PFDN1: variants seen among roughly 807,000 people sequenced by gnomAD.
The protein encoded by PFDN1 is prefoldin 1.
Under a neutral mutation model 17.3 loss-of-function variants are expected in PFDN1, and 6 were observed. The ratio of observed to expected loss-of-function variants is 0.35; its 90% CI spans 0.19 to 0.69. The LOEUF (loss-of-function observed/expected upper bound fraction) is 0.69, where lower values mean the gene tolerates loss of function less well. Ranked by LOEUF, PFDN1 falls within the 30% of genes least tolerant of loss-of-function variation. PFDN1 has a pLI of 0.65. For missense variants in PFDN1, 113 were observed against 146.2 expected (o/e 0.77, Z 1.17); for synonymous variants, 58 against 50.1 (o/e 1.16, Z -0.67).
chr5:140,297,825 C>T (rs1476615811), intron 2 of PFDN1, among the ~76,000 whole-genome samples: 2 of 152,170 alleles, frequency 1.3e-5, no homozygotes, highest in Non-Finnish European at 2.9e-5. Context: ...AAAATTAAAA[C>T]TTCACTGTAG....
chr5:140,270,161 G>T (rs1765185377), intron 3 of PFDN1, among the ~76,000 whole-genome samples: 1 of 152,176 alleles, frequency 6.6e-6, no homozygotes, highest in South Asian at 2.1e-4. Context: ...TGGCAAGGAA[G>T]TATGTAATGA....
At chr5:140,248,856 T>A (rs557940015) in intron 3 of PFDN1, among the ~76,000 whole-genome samples, 1 of 152,272 alleles carries the variant, frequency 6.6e-6, no homozygotes, top group African/African-American at 2.4e-5. Flanking sequence ...ATTTTTGTTT[T>A]GTTTCTAGAA....
intron 2 of PFDN1, chr5:140,292,854 A>C (rs148752372): frequency 6.6e-6 from 1 of 152,310 alleles, no homozygotes; most frequent in East Asian, 1.9e-4. Flanking sequence ...AAAGAATGAC[A>C]AAAGGCATTA....
chr5:140,277,996 G>A (rs964637681), intron 3 of PFDN1, among the ~76,000 whole-genome samples: 4 of 151,498 alleles, frequency 2.6e-5, no homozygotes, highest in African/African-American at 9.7e-5. Context: ...ATCACTGGAG[G>A]TCAGGAGTTC....
chr5:140,273,085 T>C (rs1010752115), intron 3 of PFDN1, among the ~76,000 whole-genome samples: 1 of 151,570 alleles, frequency 6.6e-6, no homozygotes, highest in African/African-American at 2.4e-5. Flanking sequence ...TCTCTACTAA[T>C]GATACAAAAA....
At chr5:140,301,080 T>C (rs1232263339) in intron 1 of PFDN1, among the ~76,000 whole-genome samples, 1 of 152,186 alleles carries the variant, frequency 6.6e-6, no homozygotes, top group East Asian at 1.9e-4. Context: ...GGCAGTCTCA[T>C]CATCCACAAT....
At chr5:140,269,323 T>C in intron 3 of PFDN1, among the ~76,000 whole-genome samples, 1 of 151,824 alleles carries the variant, frequency 6.6e-6, no homozygotes, top group Middle Eastern at 3.2e-3. Flanking sequence ...TTATAACTTT[T>C]TTTTTTTTTT....
At chr5:140,276,393 G>C (rs566250100) in intron 3 of PFDN1, among the ~76,000 whole-genome samples, 3 of 152,298 alleles carry the variant, frequency 2.0e-5, no homozygotes, top group Admixed American at 2.0e-4. Context: ...AGGATTAGTA[G>C]ATGGAATTGA....
intron 3 of PFDN1, among the ~76,000 whole-genome samples, chr5:140,279,447 C>T (rs1040169451): frequency 1.3e-5 from 2 of 151,430 alleles, no homozygotes; most frequent in South Asian, 2.1e-4. Flanking sequence ...CTCAGCAGTA[C>T]GGTATTGATA....
At chr5:140,266,019 C>A (rs1229800555) in intron 3 of PFDN1, among the ~76,000 whole-genome samples, 3 of 152,202 alleles carry the variant, frequency 2.0e-5, no homozygotes, top group Non-Finnish European at 4.4e-5. Flanking sequence ...CTCCTCTGCC[C>A]TAGCCCCACC....
chr5:140,290,580 T>A (rs905408295), intron 2 of PFDN1, among the ~76,000 whole-genome samples: 6 of 152,180 alleles, frequency 3.9e-5, no homozygotes, highest in African/African-American at 1.4e-4. Flanking sequence ...ATATATTGCA[T>A]CTATATAAAG....
intron 3 of PFDN1, among the ~76,000 whole-genome samples, chr5:140,278,557 CAAAAAAA>C (rs113129230): frequency 1.3e-3 from 102 of 79,008 alleles, no homozygotes; most frequent in Non-Finnish European, 2.0e-3. Flanking sequence ...GACTCTGTCT[CAAAAAAA>C]AAAAAAAAAA....
intron 3 of PFDN1, among the ~76,000 whole-genome samples, chr5:140,250,805 G>A (rs576053478): frequency 1.6e-4 from 24 of 152,190 alleles, no homozygotes; most frequent in Non-Finnish European, 2.6e-4. Flanking sequence ...TTCAGCTTTC[G>A]GCATTGCCCT....
intron 2 of PFDN1, among the ~76,000 whole-genome samples, chr5:140,283,469 G>A (rs568332124): frequency 3.7e-4 from 56 of 152,070 alleles, no homozygotes; most frequent in African/African-American, 1.3e-3. Flanking sequence ...TCCTGACCTC[G>A]TGATCTGCCC....
At chr5:140,268,959 G>A (rs2126684941) in intron 3 of PFDN1, among the ~76,000 whole-genome samples, 1 of 152,276 alleles carries the variant, frequency 6.6e-6, no homozygotes, top group Admixed American at 6.5e-5. Context: ...TTTAGATATA[G>A]GTAGACAACT....
intron 3 of PFDN1, among the ~76,000 whole-genome samples, chr5:140,280,335 A>AT (rs1298379784): frequency 6.6e-6 from 1 of 152,210 alleles, no homozygotes; most frequent in Non-Finnish European, 1.5e-5. Flanking sequence ...GAAAACACAG[A>AT]TATCAAACTG....
intron 2 of PFDN1, among the ~76,000 whole-genome samples, chr5:140,283,969 A>T (rs1765449298): frequency 6.6e-6 from 1 of 152,226 alleles, no homozygotes. Context: ...TACTATTCTC[A>T]AATAAAAGGT....
At chr5:140,290,173 G>A (rs1192380860) in intron 2 of PFDN1, among the ~76,000 whole-genome samples, 2 of 152,134 alleles carry the variant, frequency 1.3e-5, no homozygotes, top group South Asian at 4.1e-4. Flanking sequence ...GTAAATCAGA[G>A]AATTGAGTTC....
chr5:140,270,217 C>T (rs1765186077), intron 3 of PFDN1, among the ~76,000 whole-genome samples: 1 of 152,118 alleles, frequency 6.6e-6, no homozygotes, highest in African/African-American at 2.4e-5. Context: ...AAATCATTCT[C>T]TAGGCAGCCT....
Sources: allele counts gnomAD v4.1 joint callset (sites outside exome capture counted in the v4.1 genomes callset), GRCh38; gene constraint gnomAD v4.1.1; transcripts MANE v1.5; gene names NCBI Gene and HGNC (gene_info 2026-07-23, HGNC 2026-07-21).